The following PPP1R1C variants were observed in gnomAD, a reference collection of about 807,000 sequenced individuals.
PPP1R1C encodes the protein protein phosphatase 1 regulatory subunit 1C.
PPP1R1C carries 15 observed loss-of-function variants against 17.4 expected under a neutral mutation model. The ratio of observed to expected loss-of-function variants is 0.86; its 90% CI spans 0.58 to 1.33. PPP1R1C has a LOEUF of 1.33. PPP1R1C is among the 40% of genes most tolerant of loss of function. The pLI, the probability that PPP1R1C is intolerant of heterozygous loss-of-function variation, is 0.00. For synonymous variants in PPP1R1C, 35 were observed against 43.1 expected (o/e 0.81, Z 0.73); for missense variants, 143 against 130.0 (o/e 1.10, Z -0.48).
intron 1 of PPP1R1C, among the ~76,000 whole-genome samples, chr2:181,987,032 T>C (rs889690188): frequency 6.6e-6 from 1 of 152,226 alleles, no homozygotes; most frequent in Non-Finnish European, 1.5e-5. Flanking sequence ...TTTTGAAATC[T>C]GAGGTAGATG....
Position 181,961,590 on chromosome 2 carries a change from C to T in PPP1R1C, n.111+6956C>T. Reference sequence around the variant, plus strand: ...AGGACTGGACTGTACGTCTCAGCTCCGTGAGCGTCATCTCAGCATCTCCAA... The same window carrying T: ...AGGACTGGACTGTACGTCTCAGCTCTGTGAGCGTCATCTCAGCATCTCCAA... On this transcript the variant is annotated intron_variant and non_coding_transcript_variant, in intron 1 of 5. Transcript: ENST00000464264. The surrounding 1 kb of genome is among the most constrained non-coding windows in gnomAD (Gnocchi z 5.8). The T allele has an allele frequency of 6.7e-6, 5 of 742,786 alleles. No individual in the cohort carries two copies. Among genetic ancestry groups the T allele is most frequent in the African/African-American group, 1.7e-5 (1 of 58,834 alleles). The allele number at this position is 742,786 out of a possible 1,614,324, so 46.0% of individuals were successfully genotyped here.
At chr2:182,061,317 TA>T (rs1260636390) in intron 2 of PPP1R1C, 124 bp from the exon 3 acceptor site, 7 of 663,390 alleles carry the variant, frequency 1.1e-5, no homozygotes, top group Non-Finnish European at 1.5e-5. Context: ...TTCTTAGCTG[TA>T]AGTTGTAGTT....
rs552057471 is a variant in PPP1R1C at position 182,037,164 on chromosome 2, A to C, written c.143-24278A>C. On this transcript the variant is annotated intron_variant, in intron 2 of 4. Transcript: ENST00000682840. The stretch of plus-strand genomic sequence containing the variant: ...GTTACAATGCCAGAATATTAGATTA[A>C]AAACAAAAACAAACAAAAAAGGCAG... 3.9e-5 allele frequency among the ~76,000 whole-genome samples: 6 copies of C among 152,328 alleles called. No individual in the cohort carries two copies. The South Asian group carries it at 1.0e-3, about 26-fold the overall frequency.
intron 2 of PPP1R1C, among the ~76,000 whole-genome samples, chr2:181,991,473 A>G (rs1685471418): frequency 6.6e-6 from 1 of 152,174 alleles, no homozygotes; most frequent in Admixed American, 6.5e-5. Flanking sequence ...GTGGGAGATG[A>G]AACTAAAATT....
intron 2 of PPP1R1C, among the ~76,000 whole-genome samples, chr2:182,002,693 A>G (rs1258310541): frequency 6.6e-6 from 1 of 152,074 alleles, no homozygotes; most frequent in Non-Finnish European, 1.5e-5. Flanking sequence ...ATATTAGAGG[A>G]TTTTCATGAC....
intron 2 of PPP1R1C, among the ~76,000 whole-genome samples, chr2:182,048,551 G>A (rs1371753250): frequency 6.6e-6 from 1 of 152,218 alleles, no homozygotes; most frequent in East Asian, 1.9e-4. Flanking sequence ...ATGCTAGAAT[G>A]CTAATAACAC....
At chr2:182,090,322 A>T (rs1379026287) in intron 4 of PPP1R1C, among the ~76,000 whole-genome samples, 3 of 109,042 alleles carry the variant, frequency 2.8e-5, no homozygotes, top group Admixed American at 1.0e-4. Context: ...TGTGTCAGAG[A>T]GAGACAGAGA....
chr2:181,998,892 C>G (rs971783527), intron 2 of PPP1R1C, among the ~76,000 whole-genome samples: 2 of 152,168 alleles, frequency 1.3e-5, no homozygotes, highest in African/African-American at 4.8e-5. Flanking sequence ...GCCAGAGACC[C>G]ACTCACCATC....
intron 5 of PPP1R1C, among the ~76,000 whole-genome samples, chr2:182,124,083 T>G (rs554151206): frequency 5.3e-5 from 8 of 152,322 alleles, no homozygotes; most frequent in African/African-American, 1.7e-4. Context: ...GCTAGCCAGT[T>G]TTCCCCAACA....
rs577703449 is a variant in PPP1R1C, at chr2:181,988,255, G to T, written c.142+356G>T. On this transcript the variant is annotated intron_variant, in intron 2 of 4. Transcript: ENST00000682840. ...TTTAAAAGCTCAAATTACAGCCCTAGAGATGCTTATATCTTTACAGAGTAA... is the reference window on the plus strand; with the variant it reads ...TTTAAAAGCTCAAATTACAGCCCTATAGATGCTTATATCTTTACAGAGTAA... Among the ~76,000 whole-genome samples, 29 of 152,348 alleles carry T rather than the reference G, an allele frequency of 1.9e-4. No homozygotes were observed. In the South Asian group the frequency reaches 3.5e-3, roughly 19 times the overall value.
chr2:182,105,516 A>T (rs1308509305), intron 4 of PPP1R1C, among the ~76,000 whole-genome samples: 1 of 152,106 alleles, frequency 6.6e-6, no homozygotes, highest in Non-Finnish European at 1.5e-5. Flanking sequence ...GGTCTAGGTA[A>T]GGAAGCTTTA....
At chr2:182,003,409 T>G (rs1685828619) in intron 2 of PPP1R1C, among the ~76,000 whole-genome samples, 1 of 152,164 alleles carries the variant, frequency 6.6e-6, no homozygotes, top group Non-Finnish European at 1.5e-5. Context: ...GATAGAATTT[T>G]TTTTCTACTT....
At chr2:182,028,190 G>T (rs1257978737) in intron 2 of PPP1R1C, among the ~76,000 whole-genome samples, 32 of 129,870 alleles carry the variant, frequency 2.5e-4, no homozygotes, top group African/African-American at 8.6e-4. Context: ...TTTTTGAAGG[G>T]TTTTTTGTGT....
At chr2:181,993,343 T>C (rs1189110168) in intron 2 of PPP1R1C, among the ~76,000 whole-genome samples, 8 of 152,110 alleles carry the variant, frequency 5.3e-5, no homozygotes, top group East Asian at 1.9e-4. Context: ...CCAGGGACCA[T>C]ACTGAGAAGT....
At chr2:182,034,970 T>C (rs1686958299) in intron 2 of PPP1R1C, among the ~76,000 whole-genome samples, 1 of 152,258 alleles carries the variant, frequency 6.6e-6, no homozygotes, top group African/African-American at 2.4e-5. Context: ...GTGATTATTT[T>C]GGGTCTGTCT....
chr2:181,986,442 T>C (rs1240815079), intron 1 of PPP1R1C, among the ~76,000 whole-genome samples: 1 of 152,180 alleles, frequency 6.6e-6, no homozygotes, highest in Non-Finnish European at 1.5e-5. Flanking sequence ...CTGTAAGCAA[T>C]TCAGATATGG....
chr2:182,121,751 C>T (rs1689738625), downstream of PPP1R1C, among the ~76,000 whole-genome samples: 1 of 152,086 alleles, frequency 6.6e-6, no homozygotes, highest in Admixed American at 6.5e-5. Flanking sequence ...ATCCGCCCGC[C>T]TCAGCCTCCC....
At chr2:182,104,663 G>A (rs76816202) in intron 4 of PPP1R1C, among the ~76,000 whole-genome samples, 2,538 of 152,232 alleles carry the variant, frequency 0.017, 37 homozygotes, top group South Asian at 0.059. Flanking sequence ...ATTTACTAGT[G>A]TTTATTTAGG....
downstream of PPP1R1C, among the ~76,000 whole-genome samples, chr2:182,120,990 C>G (rs1031652707): frequency 2.0e-5 from 3 of 152,148 alleles, no homozygotes; most frequent in Non-Finnish European, 4.4e-5. Context: ...TGTTGACTTT[C>G]TCAGAAATTT....
Sources: allele counts gnomAD v4.1 joint callset (sites outside exome capture counted in the v4.1 genomes callset), GRCh38; gene constraint gnomAD v4.1.1; non-coding constraint Gnocchi (gnomAD v3.1); transcripts MANE v1.5; gene names NCBI Gene and HGNC (gene_info 2026-07-23, HGNC 2026-07-21).